The following OTUD7A variants were observed in gnomAD, a reference collection of about 807,000 sequenced individuals.
OTUD7A encodes the protein OTU domain-containing protein 7A.
Under a neutral mutation model 65.7 loss-of-function variants are expected in OTUD7A, and 12 were observed. That is an observed-to-expected ratio of 0.18 (90% CI 0.12 to 0.30). The LOEUF is 0.30. Ranked by LOEUF, OTUD7A falls within the 10% of genes least tolerant of loss-of-function variation. The pLI, the probability that OTUD7A is intolerant of heterozygous loss-of-function variation, is 1.00. For synonymous variants in OTUD7A, 641 were observed against 586.3 expected (o/e 1.09, Z -1.35); for missense variants, 1,148 against 1,304.8 (o/e 0.88, Z 1.85).
At chr15:31,657,524 A>T (rs1374166454) in intron 1 of OTUD7A, among the ~76,000 whole-genome samples, 1 of 146,764 alleles carries the variant, frequency 6.8e-6, no homozygotes, top group Non-Finnish European at 1.5e-5. Context: ...TGCCCAGCTA[A>T]TTTTTTTTTT....
At chr15:31,626,532 C>G (rs571639716) in intron 3 of OTUD7A, among the ~76,000 whole-genome samples, 1 of 152,098 alleles carries the variant, frequency 6.6e-6, no homozygotes, top group South Asian at 2.1e-4. Context: ...CTTGGAGGAG[C>G]TAGAAAAATC....
intron 1 of OTUD7A, among the ~76,000 whole-genome samples, chr15:31,673,138 T>C (rs2338910): frequency 1.3e-5 from 2 of 152,354 alleles, no homozygotes; most frequent in Admixed American, 1.3e-4. Context: ...AATAAATCCA[T>C]CTTAAAGCTG....
chr15:31,668,146 T>C (rs1892371285), intron 1 of OTUD7A, among the ~76,000 whole-genome samples: 1 of 152,228 alleles, frequency 6.6e-6, no homozygotes. Flanking sequence ...TTGAGATGAA[T>C]TTCCCAGGTG....
intron 1 of OTUD7A, among the ~76,000 whole-genome samples, chr15:31,728,689 A>G (rs1893960789): frequency 6.6e-6 from 1 of 152,136 alleles, no homozygotes; most frequent in Non-Finnish European, 1.5e-5. Context: ...ACCTGCTCAA[A>G]TGCTTTCCTT....
rs563887891 is a variant in OTUD7A, at chr15:31,709,570, C to T, written c.-99-52493G>A. Reference sequence around the variant, plus strand: ...AGGAGGAGATGGGGTCCTGAAGAACCGGGCATTCACCAAAGAGGATTTACA... The same window carrying T: ...AGGAGGAGATGGGGTCCTGAAGAACTGGGCATTCACCAAAGAGGATTTACA... On this transcript the variant is annotated intron_variant, in intron 1 of 12. Transcript: ENST00000307050. Among the ~76,000 whole-genome samples the T allele has an allele frequency of 3.0e-4, 46 of 152,318 alleles. No homozygotes were observed. In the South Asian group the frequency reaches 8.7e-3, roughly 29 times the overall value.
intron 1 of OTUD7A, chr15:31,767,750 T>C: frequency 1.4e-6 from 1 of 711,438 alleles, no homozygotes; most frequent in Non-Finnish European, 2.6e-6. Flanking sequence ...CTGAGATAAA[T>C]GTAATCCATG....
chr15:31,629,727 C>A (rs1298511461), intron 3 of OTUD7A, among the ~76,000 whole-genome samples: 2 of 151,988 alleles, frequency 1.3e-5, no homozygotes, highest in Non-Finnish European at 1.5e-5. Flanking sequence ...TGGTCCTGGA[C>A]GTTTTTGGTT....
intron 12 of OTUD7A, among the ~76,000 whole-genome samples, chr15:31,486,104 C>T (rs942748559): frequency 5.9e-5 from 9 of 152,166 alleles, no homozygotes; most frequent in African/African-American, 1.7e-4. Flanking sequence ...GCTGAGAGCC[C>T]TGCATCTAAC....
At position 31,477,803 on chromosome 15, in the gene OTUD7A, G is replaced by A. The variant is rs1005088991; in HGVS notation, c.*5491C>T. On this transcript the variant is annotated 3_prime_UTR_variant, in exon 13 of 13. Coordinates refer to ENST00000307050, the MANE Select transcript of OTUD7A (RefSeq NM_001382637.1). ...TACAGTCTATGGGAGATGGGGAGGC[G>A]AGAATCAAATAAATGGATGAATGAT... The A allele has an allele frequency of 6.1e-5, 9 of 146,982 alleles. No individual in the cohort carries two copies. Among genetic ancestry groups the A allele is most frequent in the African/African-American group, 1.0e-4 (4 of 40,148 alleles). The allele number at this position is 146,982 out of a possible 1,614,324, so 9.1% of individuals were successfully genotyped here.
intron 1 of OTUD7A, among the ~76,000 whole-genome samples, chr15:31,691,301 CA>C (rs1296937939): frequency 6.6e-6 from 1 of 152,000 alleles, no homozygotes; most frequent in African/African-American, 2.4e-5. Flanking sequence ...GCAAAAAGAA[CA>C]AAGCTAAAGG....
At chr15:31,553,479 G>T (rs756952271) in intron 5 of OTUD7A, among the ~76,000 whole-genome samples, 16 of 152,038 alleles carry the variant, frequency 1.1e-4, no homozygotes, top group Non-Finnish European at 2.1e-4. Flanking sequence ...CCCCAACGCA[G>T]GGCTCTCTCT....
chr15:31,813,255 G>A (rs560399979), intron 1 of OTUD7A, among the ~76,000 whole-genome samples: 10 of 144,852 alleles, frequency 6.9e-5, no homozygotes, highest in Non-Finnish European at 7.6e-5. Flanking sequence ...TGATACCTGG[G>A]TCCATGGATC....
rs1315524509 is a variant in OTUD7A, at chr15:31,484,607, CGTTATTGCT to C, written c.1480_1488del (p.Ser494_Asn496del). On this transcript the variant is annotated inframe_deletion, in exon 13 of 13. Transcript: ENST00000307050. The surrounding 1 kb of genome is among the most constrained non-coding windows in gnomAD (Gnocchi z 4.5). ...TTCTCCTTGTCCTTGCCGTTCTTGC[CGTTATTGCT>C]GTTAGAATTGCTGCACACCGAATCG... is the stretch of plus-strand genomic sequence containing the variant. 2.5e-6 allele frequency: 4 copies of C among 1,605,050 alleles called. No homozygotes were observed. Among genetic ancestry groups the C allele is most frequent in the East Asian group, 2.2e-5 (1 of 44,656 alleles).
chr15:31,580,359 G>A (rs1889335728), intron 3 of OTUD7A, among the ~76,000 whole-genome samples: 1 of 152,198 alleles, frequency 6.6e-6, no homozygotes, highest in East Asian at 1.9e-4. Context: ...ATGAGTCACT[G>A]AGGCATTTTC....
intron 1 of OTUD7A, among the ~76,000 whole-genome samples, chr15:31,733,114 G>T (rs1030886570): frequency 6.6e-6 from 1 of 152,164 alleles, no homozygotes. Flanking sequence ...TGATCCTGGG[G>T]ACGTGCAAAC....
At chr15:31,869,990 G>A (rs1192080385) in intron 1 of OTUD7A, among the ~76,000 whole-genome samples, 3 of 151,876 alleles carry the variant, frequency 2.0e-5, no homozygotes, top group Admixed American at 6.5e-5. Context: ...GCGGGACGGC[G>A]GTGCGCCGGG....
At chr15:31,682,497 G>A (rs1892741227) in intron 1 of OTUD7A, among the ~76,000 whole-genome samples, 1 of 152,216 alleles carries the variant, frequency 6.6e-6, no homozygotes, top group South Asian at 2.1e-4. Context: ...TAAACCTCCT[G>A]TGGCCAAGAC....
intron 1 of OTUD7A, among the ~76,000 whole-genome samples, chr15:31,858,422 C>T (rs553602093): frequency 6.6e-6 from 1 of 152,206 alleles, no homozygotes; most frequent in Admixed American, 6.5e-5. Flanking sequence ...AAAATTGGGG[C>T]CAGAGGAAGA....
At chr15:31,574,738 G>T (rs541445594) in intron 3 of OTUD7A, among the ~76,000 whole-genome samples, 1 of 152,066 alleles carries the variant, frequency 6.6e-6, no homozygotes, top group South Asian at 2.1e-4. Flanking sequence ...CATCTCCTTG[G>T]GCTAGCAAAT....
Sources: allele counts gnomAD v4.1 joint callset (sites outside exome capture counted in the v4.1 genomes callset), GRCh38; gene constraint gnomAD v4.1.1; non-coding constraint Gnocchi (gnomAD v3.1); transcripts MANE v1.5; gene names NCBI Gene and HGNC (gene_info 2026-07-23, HGNC 2026-07-21).